The following GORASP2 variants were observed in gnomAD, a reference collection of about 807,000 sequenced individuals.
GORASP2 encodes the protein golgi reassembly stacking protein 2, also known as Golgi reassembly-stacking protein 2.
Under a neutral mutation model 45.7 loss-of-function variants are expected in GORASP2, and 22 were observed. The observed-to-expected ratio is 0.48, with a 90% CI of 0.34 to 0.69. GORASP2 has a LOEUF of 0.69. Among genes scored for constraint, GORASP2 ranks in the 30% least tolerant of loss-of-function variants. GORASP2 has a pLI of 0.01. For missense variants in GORASP2, 491 were observed against 562.7 expected (o/e 0.87, Z 1.29); for synonymous variants, 221 against 215.6 (o/e 1.02, Z -0.22).
intron 5 of GORASP2, among the ~76,000 whole-genome samples, chr2:170,953,095 C>G (rs2105323289): frequency 6.6e-6 from 1 of 152,274 alleles, no homozygotes; most frequent in Non-Finnish European, 1.5e-5. Flanking sequence ...GTGGCTCACG[C>G]CTGTAGTACT....
At chr2:170,961,942 C>T (rs982650985) in intron 8 of GORASP2, among the ~76,000 whole-genome samples, 193 bp downstream of exon 8, 1 of 152,214 alleles carries the variant, frequency 6.6e-6, no homozygotes. Context: ...CCAGAGATGT[C>T]ATTTACCAGC....
intron 5 of GORASP2, 69 bp from the exon 6 acceptor site, chr2:170,954,581 C>A (rs1010667554): frequency 2.9e-5 from 39 of 1,362,478 alleles, no homozygotes; most frequent in Non-Finnish European, 3.9e-5. Context: ...CCGCCCCCCC[C>A]AAAAAAAACA....
intron 1 of GORASP2, among the ~76,000 whole-genome samples, chr2:170,935,335 A>G (rs1703922674): frequency 1.3e-5 from 2 of 151,862 alleles, no homozygotes; most frequent in African/African-American, 4.8e-5. Context: ...GCTCACTGCA[A>G]CTTCCGCCAC....
intron 7 of GORASP2, among the ~76,000 whole-genome samples, chr2:170,959,821 CT>C (rs35210942): frequency 2.2e-4 from 28 of 124,528 alleles, no homozygotes; most frequent in South Asian, 7.5e-4. Context: ...TCACCTTTTT[CT>C]TTTTTTTTTT....
chr2:170,958,533 T>C (rs1704479339), intron 7 of GORASP2, among the ~76,000 whole-genome samples: 1 of 152,192 alleles, frequency 6.6e-6, no homozygotes, highest in Admixed American at 6.5e-5. Context: ...CATCACATAA[T>C]TCTCTAGTTT....
intron 5 of GORASP2, 181 bp downstream of exon 5, chr2:170,951,639 A>T (rs1441669744): frequency 6.0e-6 from 3 of 503,968 alleles, no homozygotes; most frequent in Non-Finnish European, 1.1e-5. Flanking sequence ...TATCTAGGGA[A>T]CATAGTATAT....
chr2:170,956,142 A>T (rs1001572272), intron 6 of GORASP2, among the ~76,000 whole-genome samples: 2 of 152,196 alleles, frequency 1.3e-5, no homozygotes, highest in Non-Finnish European at 2.9e-5. Context: ...AGGAAAGAGG[A>T]GAGAGTAGAA....
intron 1 of GORASP2, among the ~76,000 whole-genome samples, chr2:170,939,888 A>C (rs757401824): frequency 6.6e-5 from 10 of 152,168 alleles, no homozygotes; most frequent in Non-Finnish European, 8.8e-5. Context: ...ATAGTGCATG[A>C]GGATTTATGT....
intron 1 of GORASP2, among the ~76,000 whole-genome samples, chr2:170,940,870 C>T (rs548612596): frequency 1.3e-5 from 2 of 152,246 alleles, no homozygotes; most frequent in African/African-American, 4.8e-5. Context: ...TTGTGACACA[C>T]TAAATTGATT....
intron 7 of GORASP2, among the ~76,000 whole-genome samples, chr2:170,956,987 T>G (rs981490288): frequency 1.1e-4 from 17 of 152,220 alleles, no homozygotes; most frequent in African/African-American, 4.1e-4. Flanking sequence ...CCTTGAAAAC[T>G]GCATATGTAC....
chr2:170,948,874 AC>A (rs1240198655), intron 2 of GORASP2: 1 of 153,564 alleles, frequency 6.5e-6, no homozygotes, highest in Non-Finnish European at 1.4e-5. Flanking sequence ...GCTCCAAAGT[AC>A]CAAATTAAAA....
At chr2:170,937,488 A>G (rs376747982) in intron 1 of GORASP2, among the ~76,000 whole-genome samples, 1 of 152,134 alleles carries the variant, frequency 6.6e-6, no homozygotes, top group African/African-American at 2.4e-5. Flanking sequence ...GCTGTGAGCC[A>G]CATCCCTGCC....
intron 4 of GORASP2, among the ~76,000 whole-genome samples, chr2:170,950,811 G>A (rs538751601): frequency 1.3e-5 from 2 of 152,048 alleles, no homozygotes; most frequent in Non-Finnish European, 2.9e-5. Flanking sequence ...GTGAGACCTT[G>A]TCTCTACAAC....
At position 170,961,776 on chromosome 2, in the gene GORASP2, G is replaced by T. The variant is rs146193224; in HGVS notation, c.910+27G>T. ...TAACCACCAGGGGACTAGAGATGTG[G>T]CTGATAATAACAGTATTACTGATAT... On this transcript the variant is annotated intron_variant, in intron 8 of 9. Transcript: ENST00000234160. 7.1e-4 allele frequency: 773 copies of T among 1,087,496 alleles called. 5 individuals are homozygous for T. In the African/African-American group the frequency reaches 0.011, roughly 15 times the overall value. 67.4% of individuals were successfully genotyped at this position (1,087,496 alleles called of 1,614,324 possible).
chr2:170,950,371 T>G, intron 4 of GORASP2, 81 bp downstream of exon 4: 1 of 678,978 alleles, frequency 1.5e-6, no homozygotes, highest in Non-Finnish European at 2.5e-6. Flanking sequence ...ATTTGCATGC[T>G]TTGCATTTAG....
rs1188898440 is a variant in GORASP2 at position 170,946,049 on chromosome 2, TC to T, written c.64-2297del. ...TGTTTTGAGACAGGGTCTCGCCCTG[TC>T]CCCTATACCGGAGTGCAGTGGTGCG... On this transcript the variant is annotated intron_variant, in intron 1 of 9. Transcript: ENST00000234160. 1.4e-4 allele frequency among the ~76,000 whole-genome samples: 22 copies of T among 152,234 alleles called. No homozygotes were observed. In the South Asian group the frequency reaches 4.6e-3, roughly 32 times the overall value.
At chr2:170,950,362 T>C (rs1036103719) in intron 4 of GORASP2, 72 bp downstream of exon 4, 21 of 688,824 alleles carry the variant, frequency 3.0e-5, no homozygotes, top group Non-Finnish European at 4.4e-5. Context: ...GAGAAAGATA[T>C]TTGCATGCTT....
chr2:170,929,977 C>G, intron 1 of GORASP2: 1 of 336,548 alleles, frequency 3.0e-6, no homozygotes, highest in Non-Finnish European at 6.2e-6. Flanking sequence ...TTGATTTTGA[C>G]CAGACTTTTC....
rs1325387024 is a variant in GORASP2, at chr2:170,965,773, T to C, written c.1019-17T>C. On this transcript the variant is annotated splice_polypyrimidine_tract_variant and intron_variant, in intron 9 of 9. Coordinates refer to ENST00000234160, the MANE Select transcript of GORASP2 (RefSeq NM_015530.5). ...CAGTGCTGGGAGGATGTATGATCTA[T>C]GCCGTTTTTGTCCTAGGTCTGCCAC... 1 of 1,563,964 alleles carries C rather than the reference T, an allele frequency of 6.4e-7. No homozygotes were observed. Among genetic ancestry groups the C allele is most frequent in the Admixed American group, 1.7e-5 (1 of 59,970 alleles).
Sources: allele counts gnomAD v4.1 joint callset (sites outside exome capture counted in the v4.1 genomes callset), GRCh38; gene constraint gnomAD v4.1.1; transcripts MANE v1.5; gene names NCBI Gene and HGNC (gene_info 2026-07-23, HGNC 2026-07-21).